The following BRAP variants were observed in gnomAD, a reference collection of about 807,000 sequenced individuals.
The protein encoded by BRAP is BRCA1-associated protein.
A neutral mutation model predicts 73.4 loss-of-function variants in BRAP; 42 were observed. The observed-to-expected ratio is 0.57, with a 90% confidence interval of 0.45 to 0.74. The LOEUF (loss-of-function observed/expected upper bound fraction) is 0.74. Among genes scored for constraint, BRAP ranks in the 30% least tolerant of loss-of-function variants. The pLI is 0.00. For synonymous variants in BRAP, 255 were observed against 267.4 expected, an observed-to-expected ratio of 0.95 and a Z score of 0.45; for missense variants, 593 against 751.4, an observed-to-expected ratio of 0.79 and a Z score of 2.46.
chr12:111,665,489 G>A lies in BRAP; in HGVS notation c.896+150C>T, dbSNP rs998697217. 2.7e-5 allele frequency: 31 copies of A among 1,135,918 alleles called. No individual in the cohort carries two copies. Among genetic ancestry groups the A allele is most frequent in the Admixed American group, 1.1e-4 (4 of 35,460 alleles). The allele number at this position is 1,135,918 out of a possible 1,614,324, so 70.4% of individuals were successfully genotyped here. On this transcript the variant is annotated intron_variant, in intron 6 of 11. Transcript: ENST00000419234. This position sits in a 1 kb window ranked among gnomAD's most constrained non-coding sequence, Gnocchi z 4.3. ...AAAAAGGACTTGGTCTCAGAATGCC[G>A]ATTCCCTGAACTTAGGAAAGGGAAG... is the stretch of plus-strand genomic sequence containing the variant.
rs765936561 is a variant in BRAP, at chr12:111,665,764, G to A, written c.771C>T (p.Asp257=). 25 of 1,614,244 alleles carry A rather than the reference G, an allele frequency of 1.5e-5. No homozygotes were observed. The highest frequency in any genetic ancestry group is 2.1e-5 in the Non-Finnish European group (25 of 1,180,036). ...SEDGASLPVM[D]LTELPKCTVC... is the part of the protein sequence containing the mutation. ...CCGTGCACTTGGGGAGTTCAGTCAG[G>A]TCCATCACTGGGAGGCTGGCGCCCT... is the stretch of plus-strand genomic sequence containing the variant. The change falls in exon 6 of 12, where the codon GAC becomes GAT. Residue 257 remains aspartate, a synonymous_variant. Coordinates refer to ENST00000419234, the MANE Select transcript of BRAP (RefSeq NM_006768.5). This position sits in a 1 kb window ranked among gnomAD's most constrained non-coding sequence, Gnocchi z 4.3.
intron 6 of BRAP, among the ~76,000 whole-genome samples, chr12:111,662,648 C>T (rs1204521276): frequency 6.6e-6 from 1 of 152,104 alleles, no homozygotes; most frequent in Non-Finnish European, 1.5e-5. Context: ...GATGACACAG[C>T]TCTATCTGTG....
At chr12:111,645,727 A>T (rs1281785203) in intron 11 of BRAP, among the ~76,000 whole-genome samples, 3 of 152,168 alleles carry the variant, frequency 2.0e-5, no homozygotes, top group Non-Finnish European at 4.4e-5. Context: ...TTGGAATCCC[A>T]GCACTCTGGG....
At chr12:111,672,541 A>G (rs938253246) in intron 5 of BRAP, 120 bp downstream of exon 5, 1 of 799,226 alleles carries the variant, frequency 1.3e-6, no homozygotes, top group African/African-American at 1.7e-5. Context: ...CCTGATAACC[A>G]CCAGTCTACT....
At chr12:111,652,006 G>C (rs575954367) in intron 10 of BRAP, among the ~76,000 whole-genome samples, 83 of 152,184 alleles carry the variant, frequency 5.5e-4, no homozygotes, top group East Asian at 5.8e-4. Flanking sequence ...TCAAATTCTA[G>C]TTAGGTATTA....
intron 1 of BRAP, 116 bp downstream of exon 1, chr12:111,685,595 T>G: frequency 1.4e-6 from 2 of 1,390,716 alleles, no homozygotes; most frequent in Non-Finnish European, 1.9e-6. Context: ...TACCTCTCCG[T>G]GTCTTCCTGG....
At chr12:111,654,317 CTT>C (rs371816715) in intron 10 of BRAP, among the ~76,000 whole-genome samples, 13 of 142,560 alleles carry the variant, frequency 9.1e-5, no homozygotes, top group Admixed American at 7.0e-5. Context: ...TTAAAACTGA[CTT>C]TTTTTTTTTT....
At chr12:111,655,875 A>G (rs113973337) in intron 9 of BRAP, among the ~76,000 whole-genome samples, 2 of 152,298 alleles carry the variant, frequency 1.3e-5, no homozygotes, top group African/African-American at 4.8e-5. Context: ...AGTCAGAATA[A>G]ATGTACTTAT....
At chr12:111,666,190 C>T (rs917119814) in intron 5 of BRAP, among the ~76,000 whole-genome samples, 6 of 152,296 alleles carry the variant, frequency 3.9e-5, no homozygotes, top group Non-Finnish European at 8.8e-5. Flanking sequence ...GGGAGTACAG[C>T]GGTGAACAAA....
At chr12:111,673,510 G>GAAAAAAAAAAAAAAAAAAAAA (rs11350832) in intron 4 of BRAP, among the ~76,000 whole-genome samples, 1 of 118,160 alleles carries the variant, frequency 8.5e-6, no homozygotes, top group Non-Finnish European at 1.8e-5. Context: ...ATCTCAAAAA[G>GAAAAAAAAAAAAAAAAAAAAA]AAAAAAAAAA....
chr12:111,658,411 T>C (rs10744775), intron 9 of BRAP, among the ~76,000 whole-genome samples: 67,304 of 151,660 alleles, frequency 0.44, 19,716 homozygotes, highest in East Asian at 0.94. Context: ...AGCGATTCTC[T>C]GCTTCCCGGG....
chr12:111,672,122 T>C (rs1391934692), intron 5 of BRAP, among the ~76,000 whole-genome samples: 2 of 152,100 alleles, frequency 1.3e-5, no homozygotes, highest in Non-Finnish European at 2.9e-5. Context: ...TAGCAGATGC[T>C]TGAACTGGAG....
rs376322029 is a variant in BRAP at position 111,651,275 on chromosome 12, C to T, written c.1312-1233G>A. Among the ~76,000 whole-genome samples, 30 of 151,774 alleles carry T rather than the reference C, an allele frequency of 2.0e-4. No homozygotes were observed. The East Asian group carries it at 4.5e-3, about 23-fold the overall frequency. On this transcript the variant is annotated intron_variant, in intron 10 of 11. Transcript: ENST00000419234. ...TAATAATAGGCCGGGCATGATGGCT[C>T]ACGCCTGTAATCCCGGCATTTTGGG...
rs1886494011 is a variant in BRAP, at chr12:111,655,475, T to C, written c.1311+91A>G. The C allele has an allele frequency of 2.0e-6, 2 of 1,015,150 alleles. 1 individual carries two copies. The highest frequency in any genetic ancestry group is 3.0e-5 in the South Asian group (2 of 67,770). 62.9% of individuals were successfully genotyped at this position (1,015,150 alleles called of 1,614,324 possible). A position where few individuals can be genotyped will look rare whatever the true frequency, so the allele number is the denominator to read the frequency against. On this transcript the variant is annotated intron_variant, in intron 10 of 11. Transcript: ENST00000419234. ...GCCTGAGAAGGGAAGATGGTAAGAT[T>C]CCTCTTTCCCTGTACTCTGCCTTCC... is the stretch of plus-strand genomic sequence containing the variant.
At chr12:111,651,888 G>A (rs1275846565) in intron 10 of BRAP, among the ~76,000 whole-genome samples, 7 of 151,764 alleles carry the variant, frequency 4.6e-5, no homozygotes, top group African/African-American at 1.5e-4. Context: ...TGCCCGCCTC[G>A]GCCTCCCAAA....
chr12:111,672,916 C>T lies in BRAP; in HGVS notation c.634-142G>A, dbSNP rs140361889. On this transcript the variant is annotated intron_variant, in intron 4 of 11. Transcript: ENST00000419234. ...GAGAGAGAGCAACCACCAAAAGTCA[C>T]ATCTACTGAAGCTGATTGGTAGGCT... is the stretch of plus-strand genomic sequence containing the variant. 397 of 624,018 alleles carry T rather than the reference C, an allele frequency of 6.4e-4. 2 individuals carry two copies. Among genetic ancestry groups the T allele is most frequent in the African/African-American group, 5.6e-3 (306 of 54,266 alleles). 38.7% of individuals were successfully genotyped at this position (624,018 alleles called of 1,614,324 possible).
intron 6 of BRAP, among the ~76,000 whole-genome samples, chr12:111,661,584 T>C (rs1035724571): frequency 1.3e-5 from 2 of 151,834 alleles, no homozygotes; most frequent in African/African-American, 4.8e-5. Context: ...CAGCCTATAA[T>C]GTATTTTTAC....
chr12:111,683,198 G>A lies in BRAP; in HGVS notation c.192C>T (p.Leu64=), dbSNP rs1887669982. The A allele has an allele frequency of 4.3e-6, 7 of 1,614,146 alleles. No individual in the cohort carries two copies. The highest frequency in any genetic ancestry group is 5.1e-6 in the Non-Finnish European group (6 of 1,180,026). ...TCACATCTGTCATTTCTCGACGGCC[G>A]AGATGCTGATGGATAATCGCTACTT... ...GEKVAIIHQH[L]GRREMTDVII... Residue 64 remains leucine (L), a synonymous_variant, in exon 2 of 12, where the codon CTC becomes CTT. Transcript: ENST00000419234.
At chr12:111,683,365 T>C (rs921097688) in intron 1 of BRAP, 58 bp from the exon 2 acceptor site, 3 of 1,516,558 alleles carry the variant, frequency 2.0e-6, no homozygotes, top group African/African-American at 1.4e-5. Context: ...CTCTGTTCTC[T>C]ATTCCTCTAT....
Sources: allele counts gnomAD v4.1 joint callset (sites outside exome capture counted in the v4.1 genomes callset), GRCh38; gene constraint gnomAD v4.1.1; non-coding constraint Gnocchi (gnomAD v3.1); transcripts MANE v1.5; gene names NCBI Gene and HGNC (gene_info 2026-07-23, HGNC 2026-07-21).